The following SLC24A4 variants were observed in gnomAD, a reference collection of about 807,000 sequenced individuals.
SLC24A4 encodes the protein solute carrier family 24 member 4.
A neutral mutation model predicts 79.0 loss-of-function variants in SLC24A4; 53 were observed. That is an observed-to-expected ratio of 0.67 (90% CI 0.54 to 0.84). The LOEUF is 0.84. Among genes scored for constraint, SLC24A4 ranks in the 40% least tolerant of loss-of-function variants. The probability of loss-of-function intolerance (pLI) is 0.00; values close to 1 mark genes in which losing one functional copy is unlikely to be tolerated. For missense variants in SLC24A4, 731 were observed against 822.0 expected (o/e 0.89, Z 1.35); for synonymous variants, 323 against 323.8 (o/e 1.00, Z 0.03).
chr14:92,324,888 G>A (rs373304465), intron 1 of SLC24A4, among the ~76,000 whole-genome samples: 4 of 152,262 alleles, frequency 2.6e-5, no homozygotes, highest in African/African-American at 4.8e-5. Flanking sequence ...CATTTAGAGA[G>A]GTGTACACTG....
intron 2 of SLC24A4, among the ~76,000 whole-genome samples, chr14:92,359,907 CACTT>C (rs1386845929): frequency 7.9e-5 from 12 of 152,334 alleles, no homozygotes; most frequent in Admixed American, 1.3e-4. Flanking sequence ...AACACACACA[CACTT>C]ACGTTTTTGT....
chr14:92,447,777 C>T (rs917661912), intron 9 of SLC24A4, among the ~76,000 whole-genome samples: 12 of 152,212 alleles, frequency 7.9e-5, no homozygotes, highest in African/African-American at 2.9e-4. Context: ...TAGAAGCCTT[C>T]TGATAATTTA....
intron 5 of SLC24A4, 113 bp from the exon 6 acceptor site, chr14:92,442,600 G>T: frequency 1.4e-6 from 1 of 713,742 alleles, no homozygotes; most frequent in East Asian, 2.6e-5. Context: ...CCGCTTCACG[G>T]GTGCTCTGTT....
At chr14:92,336,022 C>T (rs1885777145) in intron 2 of SLC24A4, among the ~76,000 whole-genome samples, 1 of 152,106 alleles carries the variant, frequency 6.6e-6, no homozygotes. Context: ...TCCAAATGAT[C>T]GGGGCTATCT....
chr14:92,356,228 T>C (rs918934286), intron 2 of SLC24A4, among the ~76,000 whole-genome samples: 3 of 152,188 alleles, frequency 2.0e-5, no homozygotes, highest in Non-Finnish European at 2.9e-5. Context: ...GTAGATTCAA[T>C]GCATTGTTGA....
chr14:92,392,918 A>T (rs1379372163), intron 2 of SLC24A4, among the ~76,000 whole-genome samples: 3 of 151,954 alleles, frequency 2.0e-5, no homozygotes, highest in Admixed American at 6.6e-5. Context: ...ATCATCTATG[A>T]GGAACATCTC....
intron 2 of SLC24A4, among the ~76,000 whole-genome samples, chr14:92,330,351 A>T (rs181404233): frequency 1.5e-4 from 23 of 152,322 alleles, no homozygotes; most frequent in Admixed American, 4.6e-4. Context: ...GGAAAGCTTT[A>T]AAAAAATCTG....
At position 92,323,688 on chromosome 14, in the gene SLC24A4, G is replaced by C. The variant is rs1490022951; in HGVS notation, c.-143G>C. On this transcript the variant is annotated 5_prime_UTR_variant, in exon 1 of 17. Transcript: ENST00000532405. This position sits in a 1 kb window ranked among gnomAD's most constrained non-coding sequence, Gnocchi z 4.9. ...GGGCTCCCCCGCCGACCTCGCCCTC[G>C]GGCCATGAGGCTTTGGCCCGGAGCT... 1.2e-5 allele frequency: 13 copies of C among 1,066,914 alleles called. No homozygotes were observed. In the East Asian group the frequency reaches 3.4e-4, roughly 28 times the overall value. 66.1% of individuals were successfully genotyped at this position (1,066,914 alleles called of 1,614,324 possible).
At chr14:92,392,055 G>C (rs1029583781) in intron 2 of SLC24A4, among the ~76,000 whole-genome samples, 2 of 152,128 alleles carry the variant, frequency 1.3e-5, no homozygotes, top group Admixed American at 1.3e-4. Context: ...AGCCCTGGTT[G>C]CTTAAGGACA....
chr14:92,349,416 T>TC (rs1180338536), intron 2 of SLC24A4, among the ~76,000 whole-genome samples: 1 of 152,254 alleles, frequency 6.6e-6, no homozygotes, highest in Non-Finnish European at 1.5e-5. Flanking sequence ...CGCCTTGGCC[T>TC]CCCAAAGTGC....
At chr14:92,421,505 T>G (rs1038842106) in intron 2 of SLC24A4, among the ~76,000 whole-genome samples, 1 of 151,260 alleles carries the variant, frequency 6.6e-6, no homozygotes, top group African/African-American at 2.4e-5. Context: ...TACACCACGA[T>G]TTTTTTGTTT....
intron 12 of SLC24A4, among the ~76,000 whole-genome samples, chr14:92,459,628 G>A (rs951641058): frequency 6.6e-6 from 1 of 152,160 alleles, no homozygotes; most frequent in African/African-American, 2.4e-5. Context: ...CCTCCTTTGT[G>A]CGTCTGCGGA....
At chr14:92,403,331 G>A (rs760415209) in intron 2 of SLC24A4, among the ~76,000 whole-genome samples, 4 of 150,312 alleles carry the variant, frequency 2.7e-5, no homozygotes, top group Non-Finnish European at 5.9e-5. Context: ...GGACTGGCCA[G>A]GCGTGGTGGT....
rs572289361 is a variant in SLC24A4 at position 92,366,098 on chromosome 14, G to A, written c.241+40120G>A. ...TTTCCATTTTTCAGATGAGAAAATT[G>A]TGGTGCCGGGAAGCCAAGTCATTGT... On this transcript the variant is annotated intron_variant, in intron 2 of 16. Coordinates refer to ENST00000532405, the MANE Select transcript of SLC24A4 (RefSeq NM_153646.4). Among the ~76,000 whole-genome samples the A allele has an allele frequency of 5.9e-5, 9 of 152,342 alleles. 1 individual carries two copies. The East Asian group carries it at 1.7e-3, about 29-fold the overall frequency.
intron 2 of SLC24A4, among the ~76,000 whole-genome samples, chr14:92,396,019 T>C (rs370650258): frequency 6.6e-6 from 1 of 152,078 alleles, no homozygotes; most frequent in East Asian, 1.9e-4. Context: ...AGAAACAGGG[T>C]TTCACCCTGT....
At chr14:92,369,894 T>C (rs138056712) in intron 2 of SLC24A4, among the ~76,000 whole-genome samples, 243 of 152,330 alleles carry the variant, frequency 1.6e-3, no homozygotes, top group African/African-American at 5.5e-3. Flanking sequence ...GGTTGACTCA[T>C]TGGTACAGAG....
intron 16 of SLC24A4, 36 bp downstream of exon 16, chr14:92,492,276 C>T (rs1895724242): frequency 6.3e-7 from 1 of 1,586,796 alleles, no homozygotes; most frequent in African/African-American, 1.3e-5. Context: ...ATGCCTCATG[C>T]ATACTTGATT....
intron 10 of SLC24A4, chr14:92,452,968 A>G (rs1893234441): frequency 6.6e-6 from 1 of 152,262 alleles, no homozygotes; most frequent in Non-Finnish European, 1.5e-5. Context: ...GCAGAGGGAC[A>G]GTCCTATCCA....
intron 12 of SLC24A4, among the ~76,000 whole-genome samples, chr14:92,471,629 C>T (rs886121114): frequency 2.6e-5 from 4 of 152,058 alleles, no homozygotes; most frequent in African/African-American, 4.8e-5. Flanking sequence ...GTGTTGGATT[C>T]CCAGTACCTA....
Sources: gnomAD v4.1 joint callset for allele counts (sites outside exome capture counted in the v4.1 genomes callset) on GRCh38, gnomAD v4.1.1 for gene constraint, Gnocchi (gnomAD v3.1) non-coding constraint, MANE v1.5 for transcripts, NCBI Gene and HGNC (gene_info 2026-07-23, HGNC 2026-07-21) for gene names.